CCDC171: variants seen among roughly 807,000 people sequenced by gnomAD.
The protein encoded by CCDC171 is coiled-coil domain-containing protein 171.
In CCDC171, 177 loss-of-function variants were observed where a neutral mutation model predicts 168.2. The ratio of observed to expected loss-of-function variants is 1.05; its 90% CI spans 0.93 to 1.19. The LOEUF (loss-of-function observed/expected upper bound fraction) is 1.19, where lower values mean the gene tolerates loss of function less well. Among genes scored for constraint, CCDC171 ranks in the 50% most tolerant of loss-of-function variants. The probability of loss-of-function intolerance (pLI) is 0.00; values close to 1 mark genes in which losing one functional copy is unlikely to be tolerated. For missense variants in CCDC171, 1,991 were observed against 1,539.0 expected (o/e 1.29, Z -4.91); for synonymous variants, 687 against 540.8 (o/e 1.27, Z -3.75).
At chr9:15,675,533 G>C (rs1587894379) in intron 9 of CCDC171, among the ~76,000 whole-genome samples, 1 of 152,198 alleles carries the variant, frequency 6.6e-6, no homozygotes, top group East Asian at 1.9e-4. Flanking sequence ...TCCATGTTTA[G>C]TGCTTTCTTC....
At position 15,971,737 on chromosome 9, in the gene CCDC171, G is replaced by C. The variant is rs1488345939; in HGVS notation, c.3882G>C (p.Glu1294Asp). 6.2e-7 allele frequency: 1 copy of C among 1,613,904 alleles called. No homozygotes were observed. Among genetic ancestry groups the C allele is most frequent in the Non-Finnish European group, 8.5e-7 (1 of 1,179,880 alleles). Residue 1294 changes from glutamate (E) to aspartate (D), a missense_variant, in exon 26 of 26, where the codon GAG becomes GAC. By Grantham distance (45) the Glu-to-Asp change is conservative. Transcript: ENST00000380701. ...ATACTACTTACACTTTCTTAAAGGA[G>C]ACATTTATAAATACTGTGCCCCATG... is the stretch of plus-strand genomic sequence containing the variant. ...ELDTTYTFLK[E>D]TFINTVPHAL...
rs2059688188 is a variant in CCDC171 at position 15,819,597 on chromosome 9, C to T, written c.3268-27105C>T. Among the ~76,000 whole-genome samples the T allele has an allele frequency of 1.7e-5, 2 of 116,834 alleles. 1 individual carries two copies. The highest frequency in any genetic ancestry group is 6.5e-5 in the African/African-American group (2 of 30,936). The allele number at this position is 116,834 out of a possible 152,430, so 76.6% of individuals were successfully genotyped here. ...AAAGATGAAAAGAGACAAAGAAGGC[C>T]ATTACATAATGGTAAAGGGATAAAT... On this transcript the variant is annotated intron_variant, in intron 21 of 25. Coordinates refer to ENST00000380701, the MANE Select transcript of CCDC171 (RefSeq NM_173550.4).
At chr9:15,639,069 G>A (rs2046405859) in intron 7 of CCDC171, among the ~76,000 whole-genome samples, 1 of 151,938 alleles carries the variant, frequency 6.6e-6, no homozygotes, top group Non-Finnish European at 1.5e-5. Context: ...ACATAAAAAA[G>A]GGTAAAAGGT....
At chr9:16,104,334 C>T in the CCDC171 span, among the ~76,000 whole-genome samples, 1 of 151,770 alleles carries the variant, frequency 6.6e-6, no homozygotes, top group African/African-American at 2.4e-5. Flanking sequence ...TCTCTTAGGT[C>T]TCCAAAGCTC....
At chr9:15,703,599 A>G (rs180838056) in intron 11 of CCDC171, among the ~76,000 whole-genome samples, 55 of 152,246 alleles carry the variant, frequency 3.6e-4, no homozygotes, top group African/African-American at 1.3e-3. Context: ...TTCTTTTTCT[A>G]TGGGTGAGTG....
intron 25 of CCDC171, among the ~76,000 whole-genome samples, chr9:15,944,415 A>G (rs780717808): frequency 9.9e-5 from 15 of 152,024 alleles, no homozygotes; most frequent in Non-Finnish European, 2.2e-4. Flanking sequence ...TGTAAAAGGA[A>G]AGGATGGGGA....
intron 11 of CCDC171, among the ~76,000 whole-genome samples, chr9:15,697,512 C>T (rs932278008): frequency 6.6e-6 from 1 of 152,164 alleles, no homozygotes; most frequent in Non-Finnish European, 1.5e-5. Flanking sequence ...TTGCATAAAA[C>T]AGCTCTGTGC....
At chr9:15,569,150 C>T (rs1217478988) in intron 2 of CCDC171, among the ~76,000 whole-genome samples, 1 of 152,102 alleles carries the variant, frequency 6.6e-6, no homozygotes, top group Non-Finnish European at 1.5e-5. Flanking sequence ...TTTAATAGGC[C>T]TTTTCGGTTT....
intron 14 of CCDC171, among the ~76,000 whole-genome samples, chr9:15,727,247 C>A (rs1404279157): frequency 6.6e-6 from 1 of 152,008 alleles, no homozygotes; most frequent in African/African-American, 2.4e-5. Context: ...AACAAATGAG[C>A]CCATCTTCCA....
intron 7 of CCDC171, among the ~76,000 whole-genome samples, chr9:15,634,639 A>C (rs1403252819): frequency 1.3e-5 from 2 of 152,208 alleles, no homozygotes; most frequent in Non-Finnish European, 2.9e-5. Context: ...AGTAAAAAAA[A>C]CACTTTATAG....
chr9:16,061,178 A>G (rs1833926670), exon 2 of CCDC171: 1 of 152,228 alleles, frequency 6.6e-6, no homozygotes, highest in African/African-American at 2.4e-5. Flanking sequence ...CCTTTGCCTC[A>G]GTGGCTTTCT....
rs13290807 is a variant in CCDC171, at chr9:15,621,272, A to G, written c.676-1995A>G. 5.6e-3 allele frequency among the ~76,000 whole-genome samples: 855 copies of G among 152,282 alleles called. 5 individuals are homozygous for G. The highest frequency in any genetic ancestry group is 8.6e-3 in the Non-Finnish European group (586 of 68,016). On this transcript the variant is annotated intron_variant, in intron 6 of 25. Transcript: ENST00000380701. ...GTGAGCCACTGTGCCTGACCTCAAT[A>G]AAGTATTTTTAAATTAAAATAAATA...
intron 9 of CCDC171, 130 bp downstream of exon 9, chr9:15,666,453 C>G (rs2048742379): frequency 1.7e-6 from 1 of 591,398 alleles, no homozygotes; most frequent in Non-Finnish European, 2.9e-6. Context: ...GGGCAAGTGA[C>G]TTCATAAAAC....
At chr9:15,959,425 A>G (rs1219240787) in intron 25 of CCDC171, among the ~76,000 whole-genome samples, 2 of 152,194 alleles carry the variant, frequency 1.3e-5, no homozygotes, top group Non-Finnish European at 2.9e-5. Flanking sequence ...TCAAATAGTA[A>G]GCAAACATAC....
intron 10 of CCDC171, among the ~76,000 whole-genome samples, chr9:15,684,667 G>C (rs1192184816): frequency 2.6e-5 from 4 of 152,104 alleles, no homozygotes; most frequent in Non-Finnish European, 5.9e-5. Flanking sequence ...AAACAAAAAA[G>C]AATGACATGT....
intron 25 of CCDC171, among the ~76,000 whole-genome samples, chr9:15,936,809 C>T (rs1827171486): frequency 6.6e-6 from 1 of 151,952 alleles, no homozygotes; most frequent in South Asian, 2.1e-4. Context: ...CTCAAGATTC[C>T]AGGGCATGTC....
At chr9:16,044,144 C>A (rs978970603) in intron 1 of CCDC171, among the ~76,000 whole-genome samples, 3 of 152,166 alleles carry the variant, frequency 2.0e-5, no homozygotes, top group African/African-American at 4.8e-5. Flanking sequence ...TACTTCTTTT[C>A]AAAGAGAAAT....
At chr9:15,887,998 C>T (rs1211706826) in intron 24 of CCDC171, 1 of 152,202 alleles carries the variant, frequency 6.6e-6, no homozygotes, top group Non-Finnish European at 1.5e-5. Flanking sequence ...GAAGCATATT[C>T]CCTCAGCTCC....
intron 11 of CCDC171, among the ~76,000 whole-genome samples, chr9:15,707,432 A>T (rs117488235): frequency 2.0e-5 from 3 of 152,234 alleles, no homozygotes; most frequent in African/African-American, 7.2e-5. Flanking sequence ...TGCTTCATCT[A>T]TTCAGAGTAT....
Sources: gnomAD v4.1 joint callset for allele counts (sites outside exome capture counted in the v4.1 genomes callset) on GRCh38, gnomAD v4.1.1 for gene constraint, MANE v1.5 for transcripts, NCBI Gene and HGNC (gene_info 2026-07-23, HGNC 2026-07-21) for gene names.